The following RREB1 variants were observed in gnomAD, a reference collection of about 807,000 sequenced individuals.
RREB1 encodes ras responsive element binding protein 1.
A neutral mutation model predicts 117.8 loss-of-function variants in RREB1; 27 were observed. The observed-to-expected ratio is 0.23, with a 90% CI of 0.17 to 0.32. The LOEUF (loss-of-function observed/expected upper bound fraction) is 0.32. RREB1 is among the 10% of genes least tolerant of loss of function. RREB1 has a pLI of 1.00. For synonymous variants in RREB1, 1,298 were observed against 1,026.7 expected (o/e 1.26, Z -5.05); for missense variants, 2,577 against 2,378.2 (o/e 1.08, Z -1.74).
At chr6:7,166,741 C>A (rs1483200452) in intron 1 of RREB1, among the ~76,000 whole-genome samples, 3 of 152,166 alleles carry the variant, frequency 2.0e-5, no homozygotes, top group Non-Finnish European at 4.4e-5. Flanking sequence ...ATCCTGAATT[C>A]TGGGAATTCG....
rs764078186 is a variant in RREB1, at chr6:7,247,023, G to A, written c.4573G>A (p.Glu1525Lys). ...GGCCCCGGCGGAAAAGCTCGCGGAG[G>A]AGACGGAGGGCCCCTCCGACGGGGA... Reference protein sequence around the residue: ...GEAPAEKLAEETEGPSDGESA... With the variant: ...GEAPAEKLAEKTEGPSDGESA... The change falls in exon 12 of 13, where the codon GAG (glutamate) becomes AAG (lysine). Residue 1525 changes from glutamate to lysine, a missense_variant. Physicochemically the swap from Glu to Lys is moderately conservative, Grantham distance 56. Coordinates refer to ENST00000379938, the MANE Select transcript of RREB1 (RefSeq NM_001003699.4). 74 of 1,611,726 alleles carry A rather than the reference G, an allele frequency of 4.6e-5. No individual in the cohort carries two copies. The highest frequency in any genetic ancestry group is 5.9e-5 in the Non-Finnish European group (69 of 1,179,184).
chr6:7,115,035 A>G (rs1300673022), intron 1 of RREB1, among the ~76,000 whole-genome samples: 3 of 150,770 alleles, frequency 2.0e-5, no homozygotes, highest in African/African-American at 7.3e-5. Flanking sequence ...CTTGCTTAAC[A>G]GTTAATGTTT....
At chr6:7,126,756 T>TC (rs998414337) in intron 1 of RREB1, among the ~76,000 whole-genome samples, 15 of 152,310 alleles carry the variant, frequency 9.8e-5, no homozygotes, top group African/African-American at 3.6e-4. Context: ...GCTCCTTTTT[T>TC]CCCATCTGTG....
At chr6:7,232,073 C>G (rs1040009482) in intron 10 of RREB1, among the ~76,000 whole-genome samples, 166 bp downstream of exon 10, 1 of 152,192 alleles carries the variant, frequency 6.6e-6, no homozygotes, top group East Asian at 1.9e-4. Context: ...GCTGTATTTC[C>G]TATGTGCTCT....
intron 8 of RREB1, chr6:7,218,482 G>C (rs1462837935): frequency 2.0e-5 from 3 of 150,694 alleles, no homozygotes; most frequent in Non-Finnish European, 4.4e-5. Flanking sequence ...ACAAGGTTAA[G>C]AAGTTAAAAA....
rs1769329312 is a variant in RREB1, at chr6:7,249,791, T to C, written c.*823T>C. The C allele has an allele frequency of 1.3e-5, 2 of 150,790 alleles. No homozygotes were observed. Among genetic ancestry groups the C allele is most frequent in the South Asian group, 4.2e-4 (2 of 4,790 alleles). The allele number at this position is 150,790 out of a possible 1,614,324, so 9.3% of individuals were successfully genotyped here. On this transcript the variant is annotated 3_prime_UTR_variant, in exon 13 of 13. Transcript: ENST00000379938. ...GCCTCCTCTTCCCTTTCAGTATATG[T>C]ATTATTAATATTATTATTATTATTA...
chr6:7,176,583 C>G (rs1055197041), intron 1 of RREB1, 72 bp from the exon 2 acceptor site: 1 of 152,704 alleles, frequency 6.5e-6, no homozygotes, highest in African/African-American at 2.4e-5. Flanking sequence ...TTGGTGACTC[C>G]CGGTGATGTT....
At chr6:7,149,095 G>T (rs148734974) in intron 1 of RREB1, among the ~76,000 whole-genome samples, 6,067 of 152,144 alleles carry the variant, frequency 0.04, 140 homozygotes, top group Non-Finnish European at 0.051. Context: ...GCTAATTTTT[G>T]TATTTTTAGT....
At chr6:7,167,919 C>T (rs916300132) in intron 1 of RREB1, among the ~76,000 whole-genome samples, 4 of 152,086 alleles carry the variant, frequency 2.6e-5, no homozygotes, top group Admixed American at 1.3e-4. Context: ...GCTCAGAGTT[C>T]GGTGGCTCCA....
chr6:7,197,738 C>T (rs1233350478), intron 6 of RREB1, among the ~76,000 whole-genome samples: 1 of 152,178 alleles, frequency 6.6e-6, no homozygotes, highest in Non-Finnish European at 1.5e-5. Context: ...GGCTTTTTTC[C>T]TGCAGCCATA....
At chr6:7,236,296 G>C (rs1215055484) in intron 10 of RREB1, among the ~76,000 whole-genome samples, 1 of 152,118 alleles carries the variant, frequency 6.6e-6, no homozygotes, top group Non-Finnish European at 1.5e-5. Flanking sequence ...TCCATTCCGG[G>C]CTTCCCTGGC....
chr6:7,187,283 C>G (rs966582806), intron 4 of RREB1, 151 bp from the exon 5 acceptor site: 1 of 440,542 alleles, frequency 2.3e-6, no homozygotes, highest in East Asian at 3.3e-5. Context: ...CAGACAGGGC[C>G]GTGACTTGCA....
chr6:7,245,076 A>G (rs1488868894), intron 11 of RREB1, among the ~76,000 whole-genome samples: 1 of 152,188 alleles, frequency 6.6e-6, no homozygotes, highest in African/African-American at 2.4e-5. Context: ...CCCAATTATC[A>G]GAGGAACTTG....
intron 8 of RREB1, among the ~76,000 whole-genome samples, chr6:7,225,233 G>A (rs1393877309): frequency 6.6e-6 from 1 of 152,146 alleles, no homozygotes; most frequent in Non-Finnish European, 1.5e-5. Flanking sequence ...AGATACGCTT[G>A]CACACATAAA....
At chr6:7,143,814 G>A (rs1202883644) in intron 1 of RREB1, among the ~76,000 whole-genome samples, 7 of 151,384 alleles carry the variant, frequency 4.6e-5, no homozygotes, top group African/African-American at 1.5e-4. Context: ...CCACTCTGCC[G>A]GCGACCAGTG....
At chr6:7,127,633 A>G (rs759548472) in intron 1 of RREB1, among the ~76,000 whole-genome samples, 50 of 152,176 alleles carry the variant, frequency 3.3e-4, no homozygotes, top group Non-Finnish European at 2.4e-4. Context: ...CGTAACCACG[A>G]GTTTGGTGTG....
At chr6:7,116,837 A>G (rs1428754830) in intron 1 of RREB1, among the ~76,000 whole-genome samples, 1 of 152,234 alleles carries the variant, frequency 6.6e-6, no homozygotes, top group Non-Finnish European at 1.5e-5. Flanking sequence ...AAGCTGTCAC[A>G]CTGGGGCCTT....
chr6:7,233,568 C>A (rs975317831), intron 10 of RREB1, among the ~76,000 whole-genome samples: 5 of 152,122 alleles, frequency 3.3e-5, no homozygotes, highest in Admixed American at 1.3e-4. Context: ...TTATGTAGTT[C>A]TTGGGATTTA....
At chr6:7,181,095 T>G (rs552516020) in intron 2 of RREB1, 29 bp from the exon 3 acceptor site, 2 of 398,242 alleles carry the variant, frequency 5.0e-6, no homozygotes, top group East Asian at 7.1e-5. Flanking sequence ...TGAAAAGATG[T>G]TCACTTTGGG....
Sources: allele counts gnomAD v4.1 joint callset (sites outside exome capture counted in the v4.1 genomes callset), GRCh38; gene constraint gnomAD v4.1.1; transcripts MANE v1.5; gene names NCBI Gene and HGNC (gene_info 2026-07-23, HGNC 2026-07-21).